Variants in PDE9A observed in about 807,000 individuals in gnomAD.
PDE9A encodes the protein high affinity cGMP-specific 3',5'-cyclic phosphodiesterase 9A.
Under a neutral mutation model 87.4 loss-of-function variants are expected in PDE9A, and 60 were observed. That is an observed-to-expected ratio of 0.69 (90% confidence interval 0.56 to 0.85). PDE9A has a LOEUF of 0.85. Among genes scored for constraint, PDE9A ranks in the 40% least tolerant of loss-of-function variants. The pLI is 0.00. For missense variants in PDE9A, 665 were observed against 779.0 expected, an observed-to-expected ratio of 0.85 and a Z score of 1.74; for synonymous variants, 272 against 279.4, an observed-to-expected ratio of 0.97 and a Z score of 0.27.
intron 3 of PDE9A, among the ~76,000 whole-genome samples, chr21:42,690,339 G>T (rs1216565659): frequency 2.0e-5 from 3 of 152,104 alleles, no homozygotes; most frequent in Non-Finnish European, 4.4e-5. Context: ...GGATCTAACC[G>T]GGTACAGGTG....
rs1271326608 is a variant in PDE9A at position 42,694,863 on chromosome 21, A to G, written c.219-4105A>G. Among the ~76,000 whole-genome samples the G allele has an allele frequency of 6.6e-6, 1 of 152,118 alleles. No homozygotes were observed. Among genetic ancestry groups the G allele is most frequent in the East Asian group, 1.9e-4 (1 of 5,178 alleles). On this transcript the variant is annotated intron_variant, in intron 3 of 19. Coordinates refer to ENST00000291539, the MANE Select transcript of PDE9A (RefSeq NM_002606.3). The surrounding 1 kb of genome is among the most constrained non-coding windows in gnomAD (Gnocchi z 5.3). ...CCCCGCATTGGGATGTCTGGCCCCAATCCACCATAATGTACTTGTCTCCAA... is the reference window on the plus strand; with the variant it reads ...CCCCGCATTGGGATGTCTGGCCCCAGTCCACCATAATGTACTTGTCTCCAA...
At chr21:42,768,013 G>T (rs62213442) in intron 15 of PDE9A, among the ~76,000 whole-genome samples, 175 bp from the exon 16 acceptor site, 5,423 of 152,288 alleles carry the variant, frequency 0.036, 149 homozygotes, top group Middle Eastern at 0.095. Flanking sequence ...GACCTTGAAG[G>T]TTCATTCTCC....
intron 8 of PDE9A, among the ~76,000 whole-genome samples, chr21:42,749,775 G>A (rs1192111908): frequency 1.3e-5 from 2 of 152,248 alleles, no homozygotes; most frequent in East Asian, 3.8e-4. Context: ...CTTGGGATGA[G>A]TTCATGATAT....
At chr21:42,668,343 C>T (rs1429698519) in intron 1 of PDE9A, among the ~76,000 whole-genome samples, 1 of 152,110 alleles carries the variant, frequency 6.6e-6, no homozygotes, top group Non-Finnish European at 1.5e-5. Flanking sequence ...AGACAGAGGC[C>T]CTGGGAGAAG....
At chr21:42,743,960 G>A in intron 8 of PDE9A, 100 bp downstream of exon 8, 1 of 729,560 alleles carries the variant, frequency 1.4e-6, no homozygotes, top group Non-Finnish European at 2.4e-6. Flanking sequence ...AAGAAAGGCT[G>A]GTGCAGTTCG....
At chr21:42,668,892 C>CCCT in intron 1 of PDE9A, among the ~76,000 whole-genome samples, 1 of 128,284 alleles carries the variant, frequency 7.8e-6, no homozygotes, top group African/African-American at 3.8e-5. Flanking sequence ...CAGAGCTGCT[C>CCCT]CCTCCACCCC....
In PDE9A at chr21:42,760,446, G is replaced by A. The variant is rs777783188; in HGVS notation, c.1002+14G>A. On this transcript the variant is annotated intron_variant, in intron 12 of 19. Transcript: ENST00000291539. The surrounding 1 kb of genome is among the most constrained non-coding windows in gnomAD (Gnocchi z 5.2). ...TGCAGTCTCCAGGTGGGTCCTGCCC[G>A]CTGCACACCCAGACCTCTACTCTCG... is the stretch of plus-strand genomic sequence containing the variant. 1.7e-5 allele frequency: 25 copies of A among 1,449,538 alleles called. No homozygotes were observed. The highest frequency in any genetic ancestry group is 2.1e-5 in the Non-Finnish European group (22 of 1,039,236). The allele number at this position is 1,449,538 out of a possible 1,614,324, so 89.8% of individuals were successfully genotyped here.
At chr21:42,654,831 T>C (rs1264977308) in intron 1 of PDE9A, among the ~76,000 whole-genome samples, 2 of 152,032 alleles carry the variant, frequency 1.3e-5, no homozygotes, top group African/African-American at 4.8e-5. Context: ...TTGATCCCCG[T>C]GAAATGGAAA....
Position 42,723,892 on chromosome 21 carries a change from C to T in PDE9A, c.263-7878C>T, listed in dbSNP as rs1246698314. 6.6e-6 allele frequency among the ~76,000 whole-genome samples: 1 copy of T among 152,140 alleles called. No individual in the cohort carries two copies. Among genetic ancestry groups the T allele is most frequent in the Non-Finnish European group, 1.5e-5 (1 of 68,040 alleles). ...CTTAAAACTATTAAGACACTATCAA[C>T]GTGAAATGACTTGAATAGGCTTTAA... On this transcript the variant is annotated intron_variant, in intron 4 of 19. Coordinates refer to ENST00000291539, the MANE Select transcript of PDE9A (RefSeq NM_002606.3). The surrounding 1 kb of genome is among the most constrained non-coding windows in gnomAD (Gnocchi z 4.3).
intron 8 of PDE9A, among the ~76,000 whole-genome samples, chr21:42,747,611 G>A (rs2053999775): frequency 6.6e-6 from 1 of 152,232 alleles, no homozygotes; most frequent in Admixed American, 6.5e-5. Context: ...CACGGGCTAG[G>A]TTTCTCCTGC....
At chr21:42,671,771 T>G (rs2058575541) in intron 1 of PDE9A, among the ~76,000 whole-genome samples, 1 of 152,218 alleles carries the variant, frequency 6.6e-6, no homozygotes, top group African/African-American at 2.4e-5. Context: ...TTGGCCTCTT[T>G]TAGCTCATTT....
intron 8 of PDE9A, among the ~76,000 whole-genome samples, chr21:42,745,444 C>A (rs2053743961): frequency 6.6e-6 from 1 of 152,244 alleles, no homozygotes. Context: ...TTCGTCATCC[C>A]TGTGCTGGAG....
chr21:42,701,294 T>G (rs771946649), intron 4 of PDE9A: 1 of 152,216 alleles, frequency 6.6e-6, no homozygotes, highest in African/African-American at 2.4e-5. Context: ...TATGGGACCT[T>G]GCTAAACTCA....
intron 4 of PDE9A, among the ~76,000 whole-genome samples, chr21:42,715,188 C>CTTTTTTTTTTT (rs369972172): frequency 1.9e-5 from 2 of 104,638 alleles, no homozygotes; most frequent in African/African-American, 4.1e-5. Context: ...TGCATCTTTA[C>CTTTTTTTTTTT]TTTTTTTTTT....
At chr21:42,690,338 C>T (rs550336332) in intron 3 of PDE9A, among the ~76,000 whole-genome samples, 199 of 151,580 alleles carry the variant, frequency 1.3e-3, no homozygotes, top group African/African-American at 4.6e-3. Context: ...TGGATCTAAC[C>T]GGGTACAGGT....
chr21:42,767,082 G>C (rs34010541), intron 15 of PDE9A, among the ~76,000 whole-genome samples: 1 of 152,084 alleles, frequency 6.6e-6, no homozygotes, highest in Admixed American at 6.5e-5. Context: ...CAAGCAGCAC[G>C]GCCAGGCATC....
chr21:42,674,748 C>T (rs1342658751), intron 1 of PDE9A, among the ~76,000 whole-genome samples: 2 of 152,218 alleles, frequency 1.3e-5, no homozygotes, highest in East Asian at 3.8e-4. Flanking sequence ...CTTTACATGC[C>T]GATTTCTGTC....
chr21:42,733,392 A>C lies in PDE9A; in HGVS notation c.534A>C (p.Ala178=). The change falls in exon 7 of 20, where the codon GCA becomes GCC. Residue 178 remains alanine (A), a synonymous_variant. Coordinates refer to ENST00000291539, the MANE Select transcript of PDE9A (RefSeq NM_002606.3). ...FKINELKAEV[A]NHLAVLEKRV... is the part of the protein sequence containing the mutation. ...TCAATGAACTGAAAGCTGAAGTTGCAAATCACTTGGCTGTCCTAGAGAAAC... is the reference window on the plus strand; with the variant it reads ...TCAATGAACTGAAAGCTGAAGTTGCCAATCACTTGGCTGTCCTAGAGAAAC... 1.2e-6 allele frequency: 2 copies of C among 1,605,858 alleles called. No homozygotes were observed. Among genetic ancestry groups the C allele is most frequent in the East Asian group, 2.2e-5 (1 of 44,848 alleles).
chr21:42,682,381 CT>C (rs2059216277), intron 1 of PDE9A, among the ~76,000 whole-genome samples: 1 of 152,206 alleles, frequency 6.6e-6, no homozygotes, highest in African/African-American at 2.4e-5. Flanking sequence ...CCAACATAAT[CT>C]CAAAGAGAGA....
Sources: gnomAD v4.1 joint callset for allele counts (sites outside exome capture counted in the v4.1 genomes callset) on GRCh38, gnomAD v4.1.1 for gene constraint, Gnocchi (gnomAD v3.1) non-coding constraint, MANE v1.5 for transcripts, NCBI Gene and HGNC (gene_info 2026-07-23, HGNC 2026-07-21) for gene names.